The following HDAC2 variants were observed in gnomAD, a reference collection of about 807,000 sequenced individuals.
HDAC2 encodes the protein histone deacetylase 2.
Under a neutral mutation model 68.5 loss-of-function variants are expected in HDAC2, and 5 were observed. The observed-to-expected ratio is 0.07, with a 90% CI of 0.04 to 0.15. The LOEUF (loss-of-function observed/expected upper bound fraction) is 0.15. Ranked by LOEUF, HDAC2 falls within the 10% of genes least tolerant of loss-of-function variation. The pLI is 1.00. For synonymous variants in HDAC2, 182 were observed against 191.3 expected, an observed-to-expected ratio of 0.95 and a Z score of 0.40; for missense variants, 291 against 600.8, an observed-to-expected ratio of 0.48 and a Z score of 5.39.
chr6:113,942,119 T>G (rs760047198), intron 12 of HDAC2, among the ~76,000 whole-genome samples: 15 of 152,042 alleles, frequency 9.9e-5, no homozygotes, highest in Non-Finnish European at 2.1e-4. Context: ...AGAGTTTATT[T>G]TTTAAGCACA....
rs868559691 is a variant in HDAC2 at position 113,949,794 on chromosome 6, T to G, written c.640-534A>C. Among the ~76,000 whole-genome samples the G allele has an allele frequency of 1.3e-4, 20 of 152,320 alleles. No individual in the cohort carries two copies. The South Asian group carries it at 1.4e-3, about 11-fold the overall frequency. ...AAAGCACCAGATTTGTTCTTTTTTT[T>G]TTTTTGAGACAGAGTTTTGCTCGTT... On this transcript the variant is annotated intron_variant, in intron 6 of 13. Coordinates refer to ENST00000519065, the MANE Select transcript of HDAC2 (RefSeq NM_001527.4).
Position 113,971,115 on chromosome 6 carries a change from G to C in HDAC2, c.-207C>G. On this transcript the variant is annotated 5_prime_UTR_variant, in exon 1 of 14. Transcript: ENST00000519065. ...GCAGAGGTGCCGAAAGCTCGGAATC[G>C]GAGGTGGCAGCGGCACCAACTCGCG... 6.5e-7 allele frequency: 1 copy of C among 1,545,496 alleles called. No homozygotes were observed. Among genetic ancestry groups the C allele is most frequent in the Non-Finnish European group, 8.7e-7 (1 of 1,143,990 alleles).
In HDAC2 at chr6:113,971,060, G is replaced by C; in HGVS notation, c.-152C>G. 5.8e-6 allele frequency: 9 copies of C among 1,558,818 alleles called. No homozygotes were observed. The South Asian group carries it at 5.9e-5, about 10-fold the overall frequency. On this transcript the variant is annotated 5_prime_UTR_variant, in exon 1 of 14. Transcript: ENST00000519065. ...AGGGCAGGCCGGTGGGAGGAGAGGA[G>C]GGGGCGCCGGGAAGGCTCGGTACCA...
At chr6:113,960,200 A>T (rs545649873) in intron 1 of HDAC2, among the ~76,000 whole-genome samples, 182 bp from the exon 2 acceptor site, 1 of 152,206 alleles carries the variant, frequency 6.6e-6, no homozygotes, top group Admixed American at 6.5e-5. Flanking sequence ...CGCTACGCAC[A>T]CTTTTACCAG....
Position 113,937,411 on chromosome 6 carries a change from C to T in HDAC2, c.*3647G>A, listed in dbSNP as rs1776025845. On this transcript the variant is annotated 3_prime_UTR_variant, in exon 14 of 14. Transcript: ENST00000519065. ...GATATGATGTAACTAGCTTAGAGTA[C>T]CAATGCTGACTTAGAACAGCATTCA... 1 of 152,160 alleles carries T rather than the reference C, an allele frequency of 6.6e-6. No individual in the cohort carries two copies. The allele number at this position is 152,160 out of a possible 1,614,324, so 9.4% of individuals were successfully genotyped here. A position where few individuals can be genotyped will look rare whatever the true frequency, so the allele number is the denominator to read the frequency against.
At chr6:113,947,809 T>C (rs953489854) in intron 8 of HDAC2, 4 of 152,290 alleles carry the variant, frequency 2.6e-5, no homozygotes, top group South Asian at 4.1e-4. Flanking sequence ...GCTGGTATAG[T>C]AGCAATCATA....
At position 113,935,163 on chromosome 6, in the gene HDAC2, C is replaced by G. The variant is rs529366449; in HGVS notation, c.*5895G>C. ...TAATTTCACCTAGTCTAGCCAAAGG[C>G]AACACAAGTTCAAACTTTCCGGCTA... On this transcript the variant is annotated 3_prime_UTR_variant, in exon 14 of 14. Transcript: ENST00000519065. The G allele has an allele frequency of 2.0e-5, 3 of 152,232 alleles. No homozygotes were observed. The highest frequency in any genetic ancestry group is 1.3e-4 in the Admixed American group (2 of 15,298). 9.4% of individuals were successfully genotyped at this position (152,232 alleles called of 1,614,324 possible). A position where few individuals can be genotyped will look rare whatever the true frequency, so the allele number is the denominator to read the frequency against.
intron 2 of HDAC2, chr6:113,959,678 G>T: frequency 3.4e-6 from 1 of 294,446 alleles, no homozygotes. Flanking sequence ...AACCATGAAA[G>T]CCTAGGGTAG....
rs770161658 is a variant in HDAC2, at chr6:113,941,749, A to T, written c.1395T>A (p.Asp465Glu). Residue 465 changes from aspartate (D) to glutamate (E), a missense_variant, in exon 13 of 14, where the codon GAT (aspartate) becomes GAA (glutamate). By Grantham distance (45) the Asp-to-Glu change is conservative. Around this residue, in one of 2 missense-constraint regions of HDAC2, gnomAD observed 137 missense variants for 128.7 expected, o/e 1.06. Coordinates refer to ENST00000519065, the MANE Select transcript of HDAC2 (RefSeq NM_001527.4). ...TTTCACCACTGTTGTCCTTGGATTT[A>T]TCTTCTTCCTTAACGTCTAAAAATA... ...EDKKTDVKEEDKSKDNSGEKT... is the reference protein window; with the variant it reads ...EDKKTDVKEEEKSKDNSGEKT... The T allele has an allele frequency of 4.9e-6, 7 of 1,428,252 alleles. No homozygotes were observed. In the Admixed American group the frequency reaches 9.8e-5, roughly 20 times the overall value. The allele number at this position is 1,428,252 out of a possible 1,614,324, so 88.5% of individuals were successfully genotyped here. A position where few individuals can be genotyped will look rare whatever the true frequency, so the allele number is the denominator to read the frequency against.
chr6:113,959,234 A>C (rs1386530620), intron 2 of HDAC2, among the ~76,000 whole-genome samples: 3 of 152,076 alleles, frequency 2.0e-5, no homozygotes, highest in Admixed American at 2.0e-4. Flanking sequence ...ATTCTTCCAC[A>C]AGACTTCCAG....
chr6:113,946,295 T>A, intron 8 of HDAC2, 147 bp from the exon 9 acceptor site: 1 of 611,680 alleles, frequency 1.6e-6, no homozygotes, highest in Middle Eastern at 4.5e-4. Flanking sequence ...GTAAAAAATG[T>A]CAAGTCTAAA....
rs543783247 is a variant in HDAC2, at chr6:113,933,924, T to C, written c.*7134A>G. On this transcript the variant is annotated 3_prime_UTR_variant, in exon 14 of 14. Coordinates refer to ENST00000519065, the MANE Select transcript of HDAC2 (RefSeq NM_001527.4). Reference sequence around the variant, plus strand: ...ACTTTACATGTTCAAATTAGTATAGTTCCTGTCTCCTGACTGAACGCTGAT... The same window carrying C: ...ACTTTACATGTTCAAATTAGTATAGCTCCTGTCTCCTGACTGAACGCTGAT... 1 of 152,232 alleles carries C rather than the reference T, an allele frequency of 6.6e-6. No individual in the cohort carries two copies. The highest frequency in any genetic ancestry group is 2.4e-5 in the African/African-American group (1 of 41,524). The allele number at this position is 152,232 out of a possible 1,614,324, so 9.4% of individuals were successfully genotyped here. A position where few individuals can be genotyped will look rare whatever the true frequency, so the allele number is the denominator to read the frequency against.
At chr6:113,955,777 G>C in intron 5 of HDAC2, 2 of 378,284 alleles carry the variant, frequency 5.3e-6, no homozygotes, top group South Asian at 7.3e-5. Context: ...TCCCAAAGTG[G>C]AGGGATTACA....
In HDAC2 at chr6:113,971,143, G is replaced by T. The variant is rs769860569; in HGVS notation, c.-235C>A. 1.4e-5 allele frequency: 21 copies of T among 1,538,682 alleles called. No individual in the cohort carries two copies. Among genetic ancestry groups the T allele is most frequent in the Non-Finnish European group, 1.8e-5 (20 of 1,140,912 alleles). On this transcript the variant is annotated 5_prime_UTR_variant, in exon 1 of 14. Transcript: ENST00000519065. ...GGTGGCAGCGGCACCAACTCGCGAGGAGGGGGCCACCAAACCACCTCAGGA... is the reference window on the plus strand; with the variant it reads ...GGTGGCAGCGGCACCAACTCGCGAGTAGGGGGCCACCAAACCACCTCAGGA...
chr6:113,941,750 T>A lies in HDAC2; in HGVS notation c.1394A>T (p.Asp465Val). The change falls in exon 13 of 14, where the codon GAT becomes GTT. Residue 465 changes from aspartate (D) to valine (V), a missense_variant. By Grantham distance (152) the Asp-to-Val change is radical. Transcript: ENST00000519065. ...TTCACCACTGTTGTCCTTGGATTTA[T>A]CTTCTTCCTTAACGTCTAAAAATAA... is the stretch of plus-strand genomic sequence containing the variant. The part of the protein sequence containing the change: ...EDKKTDVKEE[D>V]KSKDNSGEKT... 7.0e-7 allele frequency: 1 copy of A among 1,422,662 alleles called. No homozygotes were observed. Among genetic ancestry groups the A allele is most frequent in the Non-Finnish European group, 9.6e-7 (1 of 1,038,558 alleles). The allele number at this position is 1,422,662 out of a possible 1,614,324, so 88.1% of individuals were successfully genotyped here.
rs1259169608 is a variant in HDAC2, at chr6:113,936,826, T to C, written c.*4232A>G. On this transcript the variant is annotated 3_prime_UTR_variant, in exon 14 of 14. Transcript: ENST00000519065. The stretch of plus-strand genomic sequence containing the variant: ...GGACAATATGGTGAGAACCCGTCTC[T>C]ACTAAATATACAAAAATTAGCCAGG... The C allele has an allele frequency of 6.6e-6, 1 of 152,080 alleles. No individual in the cohort carries two copies. The highest frequency in any genetic ancestry group is 6.5e-5 in the Admixed American group (1 of 15,268). 9.4% of individuals were successfully genotyped at this position (152,080 alleles called of 1,614,324 possible). A position where few individuals can be genotyped will look rare whatever the true frequency, so the allele number is the denominator to read the frequency against.
chr6:113,970,089 GAACT>G (rs1477423311), intron 1 of HDAC2: 1 of 152,116 alleles, frequency 6.6e-6, no homozygotes, highest in African/African-American at 2.4e-5. Context: ...TGGAAAACCC[GAACT>G]ATTATTGAGG....
In HDAC2 at chr6:113,938,594, G is replaced by A. The variant is rs927803556; in HGVS notation, c.*2464C>T. On this transcript the variant is annotated 3_prime_UTR_variant, in exon 14 of 14. Transcript: ENST00000519065. ...GTTTTCCATTTGGTTACCAGTTGTT[G>A]TCCCAATTCCACTTACAAAATAATG... The A allele has an allele frequency of 6.6e-6, 1 of 152,098 alleles. No homozygotes were observed. Among genetic ancestry groups the A allele is most frequent in the African/African-American group, 2.4e-5 (1 of 41,426 alleles). The allele number at this position is 152,098 out of a possible 1,614,324, so 9.4% of individuals were successfully genotyped here.
rs1472798270 is a variant in HDAC2 at position 113,934,666 on chromosome 6, C to T, written c.*6392G>A. 6.6e-6 allele frequency: 1 copy of T among 152,124 alleles called. No homozygotes were observed. Among genetic ancestry groups the T allele is most frequent in the Non-Finnish European group, 1.5e-5 (1 of 68,026 alleles). 9.4% of individuals were successfully genotyped at this position (152,124 alleles called of 1,614,324 possible). On this transcript the variant is annotated 3_prime_UTR_variant, in exon 14 of 14. Transcript: ENST00000519065. The stretch of plus-strand genomic sequence containing the variant: ...CTGCCTAACTCTAGAAATAGGATGG[C>T]AGAAGAGTCATTACATTAAGAAAGC...
Sources: allele counts gnomAD v4.1 joint callset (sites outside exome capture counted in the v4.1 genomes callset), GRCh38; gene constraint gnomAD v4.1.1; regional missense constraint gnomAD v4.1.1; transcripts MANE v1.5; gene names NCBI Gene and HGNC (gene_info 2026-07-23, HGNC 2026-07-21).